TBC1D23: variants seen among roughly 807,000 people sequenced by gnomAD.
TBC1D23 encodes the protein HCV non-structural protein 4A-transactivated protein 1.
TBC1D23 carries 55 observed loss-of-function variants against 91.4 expected under a neutral mutation model. The observed-to-expected ratio is 0.60, with a 90% CI of 0.48 to 0.75. The LOEUF is 0.75. Among genes scored for constraint, TBC1D23 ranks in the 30% least tolerant of loss-of-function variants. The probability of loss-of-function intolerance (pLI) is 0.00; values close to 1 mark genes in which losing one functional copy is unlikely to be tolerated. For missense variants in TBC1D23, 725 were observed against 836.1 expected, an observed-to-expected ratio of 0.87 and a Z score of 1.64; for synonymous variants, 289 against 281.0, an observed-to-expected ratio of 1.03 and a Z score of -0.28.
At chr3:100,307,120 C>T (rs948510092) in intron 13 of TBC1D23, among the ~76,000 whole-genome samples, 1 of 152,210 alleles carries the variant, frequency 6.6e-6, no homozygotes, top group Non-Finnish European at 1.5e-5. Flanking sequence ...TGTATTACTA[C>T]CCAGTTTTGC....
chr3:100,318,913 A>T (rs1705802199), intron 16 of TBC1D23, among the ~76,000 whole-genome samples, 156 bp from the exon 17 acceptor site: 1 of 152,142 alleles, frequency 6.6e-6, no homozygotes, highest in Non-Finnish European at 1.5e-5. Context: ...TCAGCCTCCC[A>T]AAGTGCTGTG....
At position 100,316,056 on chromosome 3, in the gene TBC1D23, C is replaced by T. The variant is rs1705738368; in HGVS notation, c.1599-43C>T. On this transcript the variant is annotated intron_variant, in intron 15 of 18. Transcript: ENST00000394144. ...GATGCTTGGTAAAAATCTTTGATAACTTCTTAAGTGATTATTTCTCTCCTA... is the reference window on the plus strand; with the variant it reads ...GATGCTTGGTAAAAATCTTTGATAATTTCTTAAGTGATTATTTCTCTCCTA... The T allele has an allele frequency of 1.8e-5, 26 of 1,458,172 alleles. No individual in the cohort carries two copies. In the East Asian group the frequency reaches 5.9e-4, roughly 33 times the overall value. The allele number at this position is 1,458,172 out of a possible 1,614,324, so 90.3% of individuals were successfully genotyped here.
intron 5 of TBC1D23, among the ~76,000 whole-genome samples, chr3:100,293,104 AGTTT>A (rs56925154): frequency 6.0e-4 from 91 of 150,514 alleles, no homozygotes; most frequent in South Asian, 2.3e-3. Flanking sequence ...TATGCCAGAT[AGTTT>A]GTTTGTTTGT....
chr3:100,317,896 A>C (rs531519481), intron 16 of TBC1D23, among the ~76,000 whole-genome samples: 2 of 152,164 alleles, frequency 1.3e-5, no homozygotes, highest in Non-Finnish European at 2.9e-5. Flanking sequence ...GTAGGGTAGC[A>C]GTTGTGGAAG....
Position 100,317,984 on chromosome 3 carries a change from A to G in TBC1D23, c.1688-1085A>G, listed in dbSNP as rs150827271. 4.7e-3 allele frequency among the ~76,000 whole-genome samples: 713 copies of G among 152,200 alleles called. 2 individuals carry two copies. Among genetic ancestry groups the G allele is most frequent in the Non-Finnish European group, 6.4e-3 (434 of 67,958 alleles). ...TATATACATTTATATACATTTAAGT[A>G]TAGAATACTACTGTATATTATTTAG... On this transcript the variant is annotated intron_variant, in intron 16 of 18. Transcript: ENST00000394144.
intron 16 of TBC1D23, among the ~76,000 whole-genome samples, chr3:100,316,470 A>T (rs537395661): frequency 7.0e-4 from 106 of 151,892 alleles, no homozygotes; most frequent in Middle Eastern, 3.4e-3. Flanking sequence ...ATAAAATTTT[A>T]AAAAAAAGGA....
At chr3:100,275,767 C>G (rs2067643514) in intron 1 of TBC1D23, among the ~76,000 whole-genome samples, 1 of 151,802 alleles carries the variant, frequency 6.6e-6, no homozygotes, top group African/African-American at 2.4e-5. Context: ...ACTCAAAAGC[C>G]CATTATGTAA....
At chr3:100,276,285 CTATAATATATATTATAGGAA>C (rs969071581) in intron 1 of TBC1D23, among the ~76,000 whole-genome samples, 3 of 151,298 alleles carry the variant, frequency 2.0e-5, no homozygotes, top group African/African-American at 7.3e-5. Flanking sequence ...GGGAGATTTC[CTATAATATATATTATAGGAA>C]TATAATATAT....
intron 7 of TBC1D23, 77 bp downstream of exon 7, chr3:100,295,425 A>G (rs1483975908): frequency 5.0e-6 from 6 of 1,191,930 alleles, no homozygotes; most frequent in Non-Finnish European, 7.1e-6. Context: ...TCATTCGTAA[A>G]TTTAGGAGAT....
intron 12 of TBC1D23, among the ~76,000 whole-genome samples, chr3:100,306,122 G>T (rs890366657): frequency 1.3e-5 from 2 of 152,128 alleles, no homozygotes; most frequent in African/African-American, 4.8e-5. Context: ...TAAAAATGTT[G>T]CAGAAATTAT....
chr3:100,297,938 T>C lies in TBC1D23; in HGVS notation c.892T>C (p.Phe298Leu), dbSNP rs766636894. 6.2e-7 allele frequency: 1 copy of C among 1,611,308 alleles called. No homozygotes were observed. The highest frequency in any genetic ancestry group is 8.5e-7 in the Non-Finnish European group (1 of 1,177,928). ...CTTCAAACAGGATAATCACCATCTC[T>C]TTGGTAGTACTTTGTTGGGAATTAA... Reference protein sequence around the residue: ...ASFRKDNHHLFGSTLLGIKDD... With the variant: ...ASFRKDNHHLLGSTLLGIKDD... The change falls in exon 9 of 19, where the codon TTT (phenylalanine) becomes CTT (leucine). Residue 298 changes from phenylalanine (F) to leucine (L), a missense_variant. Physicochemically the swap from Phe to Leu is conservative, Grantham distance 22. Coordinates refer to ENST00000394144, the MANE Select transcript of TBC1D23 (RefSeq NM_001199198.3).
chr3:100,320,644 T>A (rs1705838274), intron 17 of TBC1D23, 133 bp from the exon 18 acceptor site: 2 of 476,010 alleles, frequency 4.2e-6, no homozygotes, highest in Non-Finnish European at 7.0e-6. Context: ...TAGATTAACC[T>A]CTGTTTATAT....
chr3:100,314,341 C>T (rs1233104749), intron 15 of TBC1D23, among the ~76,000 whole-genome samples: 2 of 151,906 alleles, frequency 1.3e-5, no homozygotes, highest in Non-Finnish European at 2.9e-5. Flanking sequence ...CGTGATCTGC[C>T]CACCTCGGAT....
At chr3:100,305,362 A>G (rs1372438754) in intron 12 of TBC1D23, among the ~76,000 whole-genome samples, 2 of 152,186 alleles carry the variant, frequency 1.3e-5, no homozygotes, top group South Asian at 2.1e-4. Flanking sequence ...CTAATATTTA[A>G]TAATCTAGGA....
At position 100,279,641 on chromosome 3, in the gene TBC1D23, T is replaced by C; in HGVS notation, c.54-8T>C. On this transcript the variant is annotated splice_polypyrimidine_tract_variant and splice_region_variant and intron_variant, in intron 1 of 18. Transcript: ENST00000394144. ...AGTTCATTTTAATAAATAGGACTTA[T>C]TTTTTAGGGAAAAAGATCTTGAAGA... 1 of 1,559,114 alleles carries C rather than the reference T, an allele frequency of 6.4e-7. No individual in the cohort carries two copies. The highest frequency in any genetic ancestry group is 1.4e-5 in the African/African-American group (1 of 72,888).
intron 1 of TBC1D23, among the ~76,000 whole-genome samples, chr3:100,262,244 G>A (rs576998499): frequency 3.9e-5 from 6 of 152,232 alleles, no homozygotes; most frequent in Admixed American, 3.3e-4. Context: ...TATTCTTTGT[G>A]AGTGTGATTC....
intron 1 of TBC1D23, among the ~76,000 whole-genome samples, chr3:100,270,713 A>G (rs2067593072): frequency 6.6e-6 from 1 of 152,172 alleles, no homozygotes; most frequent in Non-Finnish European, 1.5e-5. Flanking sequence ...ATCATATGCA[A>G]TAGAAATAAC....
At position 100,297,926 on chromosome 3, in the gene TBC1D23, A is replaced by G; in HGVS notation, c.880A>G (p.Asn294Asp). The change falls in exon 9 of 19, where the codon AAT becomes GAT. Residue 294 changes from asparagine to aspartate, a missense_variant. Physicochemically the swap from Asn to Asp is conservative, Grantham distance 23. Transcript: ENST00000394144. ...TTAAAAATTTCCCTTCAAACAGGAT[A>G]ATCACCATCTCTTTGGTAGTACTTT... Reference protein sequence around the residue: ...SKTPASFRKDNHHLFGSTLLG... With the variant: ...SKTPASFRKDDHHLFGSTLLG... 6.2e-7 allele frequency: 1 copy of G among 1,605,352 alleles called. No homozygotes were observed. Among genetic ancestry groups the G allele is most frequent in the Non-Finnish European group, 8.5e-7 (1 of 1,174,764 alleles).
chr3:100,323,065 C>T lies in TBC1D23; in HGVS notation c.2019-522C>T, dbSNP rs566077477. Among the ~76,000 whole-genome samples, 11 of 152,190 alleles carry T rather than the reference C, an allele frequency of 7.2e-5. No individual in the cohort carries two copies. In the South Asian group the frequency reaches 8.3e-4, roughly 11 times the overall value. The stretch of plus-strand genomic sequence containing the variant: ...TTTTTAAATATTTCAGACCTCATAA[C>T]GCCATTTTATTATGTACATAACCCT... On this transcript the variant is annotated intron_variant, in intron 18 of 18. Coordinates refer to ENST00000394144, the MANE Select transcript of TBC1D23 (RefSeq NM_001199198.3).
Sources: gnomAD v4.1 joint callset for allele counts (sites outside exome capture counted in the v4.1 genomes callset) on GRCh38, gnomAD v4.1.1 for gene constraint, MANE v1.5 for transcripts, NCBI Gene and HGNC (gene_info 2026-07-23, HGNC 2026-07-21) for gene names.